The following CCDC88B variants were observed in gnomAD, a reference collection of about 807,000 sequenced individuals.
CCDC88B encodes coiled-coil and HOOK domain protein 88B, also known as coiled-coil domain-containing protein 88B.
In CCDC88B, 138 loss-of-function variants were observed where a neutral mutation model predicts 183.7. The observed-to-expected ratio is 0.75, with a 90% confidence interval of 0.65 to 0.87. The LOEUF (loss-of-function observed/expected upper bound fraction) is 0.87, where lower values mean the gene tolerates loss of function less well. Ranked by LOEUF, CCDC88B falls within the 40% of genes least tolerant of loss-of-function variation. The probability of loss-of-function intolerance (pLI) is 0.00; values close to 1 mark genes in which losing one functional copy is unlikely to be tolerated. For missense variants in CCDC88B, 1,822 were observed against 1,965.6 expected (o/e 0.93, Z 1.38); for synonymous variants, 835 against 867.5 (o/e 0.96, Z 0.66).
chr11:64,344,290 GGAGA>G lies in CCDC88B; in HGVS notation c.1750_1753del (p.Glu584HisfsTer57). 6.2e-7 allele frequency: 1 copy of G among 1,613,722 alleles called. No homozygotes were observed. On this transcript the variant is annotated frameshift_variant, in exon 14 of 27. Coordinates refer to ENST00000356786, the MANE Select transcript of CCDC88B (RefSeq NM_032251.6). LOFTEE classifies it high-confidence loss of function. The surrounding 1 kb of genome is among the most constrained non-coding windows in gnomAD (Gnocchi z 4.5). ...CCCCGCAAGAGTCAGGCTCTCCTGT[GGAGA>G]CACAGGAGTCCCCGGAGAAGGCTGG...
rs377616316 is a variant in CCDC88B, at chr11:64,345,870, G to T, written c.2616+713G>T. On this transcript the variant is annotated intron_variant, in intron 14 of 26. Coordinates refer to ENST00000356786, the MANE Select transcript of CCDC88B (RefSeq NM_032251.6). ...AAAAATACAAAAATCAGCCAGGCGT[G>T]GTGGCAGGCACCTGTAATCTGTTAC... 3.0e-3 allele frequency among the ~76,000 whole-genome samples: 458 copies of T among 152,290 alleles called. 2 individuals are homozygous for T. Among genetic ancestry groups the T allele is most frequent in the African/African-American group, 0.011 (447 of 41,548 alleles).
Position 64,349,189 on chromosome 11 carries a change from TG to T in CCDC88B, c.2617-138del, listed in dbSNP as rs2036229288. The T allele has an allele frequency of 2.1e-5, 20 of 968,310 alleles. No individual in the cohort carries two copies. In the South Asian group the frequency reaches 3.0e-4, roughly 14 times the overall value. 60.0% of individuals were successfully genotyped at this position (968,310 alleles called of 1,614,324 possible). ...CCAGGCTTTGCTCCCATTTTATAGATGGGGAAGTAGAGCCCAAAGGCTTAAT... is the reference window on the plus strand; with the variant it reads ...CCAGGCTTTGCTCCCATTTTATAGATGGGAAGTAGAGCCCAAAGGCTTAAT... On this transcript the variant is annotated intron_variant, in intron 14 of 26. Coordinates refer to ENST00000356786, the MANE Select transcript of CCDC88B (RefSeq NM_032251.6).
In CCDC88B at chr11:64,357,319, G is replaced by C. The variant is rs1372439282; in HGVS notation, c.*225G>C. 1.4e-6 allele frequency: 1 copy of C among 722,958 alleles called. No homozygotes were observed. Among genetic ancestry groups the C allele is most frequent in the East Asian group, 2.7e-5 (1 of 37,434 alleles). 44.8% of individuals were successfully genotyped at this position (722,958 alleles called of 1,614,324 possible). On this transcript the variant is annotated 3_prime_UTR_variant, in exon 27 of 27. Coordinates refer to ENST00000356786, the MANE Select transcript of CCDC88B (RefSeq NM_032251.6). ...GGCTGGCCCCCACGAGCAGCTCCAG[G>C]CTGGAGTTCTGGTTCTTCCAGGTGG...
Position 64,349,681 on chromosome 11 carries a change from C to T in CCDC88B, c.2862+13C>T, listed in dbSNP as rs188594342. On this transcript the variant is annotated intron_variant, in intron 16 of 26. Transcript: ENST00000356786. ...GGAGCTGTTCCAGGTGATGCCTGCC[C>T]GCCTGGGAGCTGGGGGCCATGCCAC... is the stretch of plus-strand genomic sequence containing the variant. 3.0e-4 allele frequency: 474 copies of T among 1,577,114 alleles called. 1 individual carries two copies. In the African/African-American group the frequency reaches 4.9e-3, roughly 16 times the overall value.
At position 64,351,498 on chromosome 11, in the gene CCDC88B, A is replaced by C. The variant is rs1484377462; in HGVS notation, c.2981A>C (p.Lys994Thr). ...ERSNAMLVAE[K>T]AALQGQLQHL... ...CAGAATGCGATGCTGGTGGCAGAGA[A>C]GGCAGCTTTGCAGGGGCAGCTGCAG... Residue 994 changes from lysine to threonine, a missense_variant, in exon 18 of 27, where the codon AAG (lysine) becomes ACG (threonine). Lys to Thr is a moderately conservative substitution (Grantham distance 78). Transcript: ENST00000356786. 8.8e-6 allele frequency: 14 copies of C among 1,588,276 alleles called. No individual in the cohort carries two copies. In the East Asian group the frequency reaches 3.2e-4, roughly 36 times the overall value.
Position 64,353,259 on chromosome 11 carries a change from T to G in CCDC88B, c.3687+19T>G, listed in dbSNP as rs374586586. 4 of 1,556,520 alleles carry G rather than the reference T, an allele frequency of 2.6e-6. No individual in the cohort carries two copies. The highest frequency in any genetic ancestry group is 1.7e-6 in the Non-Finnish European group (2 of 1,150,206). On this transcript the variant is annotated intron_variant, in intron 21 of 26. Coordinates refer to ENST00000356786, the MANE Select transcript of CCDC88B (RefSeq NM_032251.6). ...GTGTGAGGTGTGGCTGGAGGGCCGGTGGGGGTATGGGCGTGTGGTGGGGCA... is the reference window on the plus strand; with the variant it reads ...GTGTGAGGTGTGGCTGGAGGGCCGGGGGGGGTATGGGCGTGTGGTGGGGCA...
chr11:64,352,075 G>A (rs1224296941), intron 18 of CCDC88B, 55 bp from the exon 19 acceptor site: 23 of 1,510,248 alleles, frequency 1.5e-5, no homozygotes, highest in Admixed American at 2.2e-5. Context: ...CCTCTCACTC[G>A]ATTTCCAGCC....
chr11:64,353,121 C>T lies in CCDC88B; in HGVS notation c.3568C>T (p.Arg1190Trp), dbSNP rs746042245. 1.5e-5 allele frequency: 24 copies of T among 1,605,870 alleles called. No homozygotes were observed. The highest frequency in any genetic ancestry group is 1.1e-4 in the East Asian group (5 of 44,612). ...GCTGCAGGGTGAACGCGGGGAGCTA[C>T]GGGGCCGGCTGGCGCGGCTGGAGCT... ...GELQGERGELRGRLARLELER... is the reference protein window; with the variant it reads ...GELQGERGELWGRLARLELER... The change falls in exon 21 of 27, where the codon CGG becomes TGG. Residue 1190 changes from arginine to tryptophan, a missense_variant. Transcript: ENST00000356786.
At chr11:64,355,808 TA>T in intron 26 of CCDC88B, 180 bp downstream of exon 26, 1 of 539,872 alleles carries the variant, frequency 1.9e-6, no homozygotes, top group East Asian at 3.2e-5. Flanking sequence ...ACAATTTGCC[TA>T]AAAATAATTA....
chr11:64,340,464 T>C (rs1591270320), intron 1 of CCDC88B, 138 bp downstream of exon 1: 1 of 1,169,254 alleles, frequency 8.6e-7, no homozygotes, highest in Non-Finnish European at 1.1e-6. Flanking sequence ...GATGGAGATA[T>C]GGTGTGGGGG....
In CCDC88B at chr11:64,342,146, G is replaced by GAT; in HGVS notation, c.821+7_821+8insAT. ...GGCGTCTGCGGCAGGAGCTGTGAGTGTGCGCAGCCTGGGAAGGGGACTGAG... is the reference window on the plus strand; with the variant it reads ...GGCGTCTGCGGCAGGAGCTGTGAGTGATTGCGCAGCCTGGGAAGGGGACTGAG... On this transcript the variant is annotated splice_region_variant and intron_variant, in intron 8 of 26. Transcript: ENST00000356786. 6.2e-7 allele frequency: 1 copy of GAT among 1,607,006 alleles called. No homozygotes were observed.
intron 14 of CCDC88B, among the ~76,000 whole-genome samples, chr11:64,348,336 GT>G (rs1316007948): frequency 6.7e-6 from 1 of 150,098 alleles, no homozygotes. Flanking sequence ...GAACCAGGGG[GT>G]CTCAGGTTGT....
At chr11:64,346,982 G>A (rs1411192335) in intron 14 of CCDC88B, among the ~76,000 whole-genome samples, 3 of 151,246 alleles carry the variant, frequency 2.0e-5, no homozygotes, top group African/African-American at 4.9e-5. Flanking sequence ...TTTTAGTAGA[G>A]ACAGGGTTTC....
Position 64,341,708 on chromosome 11 carries a change from C to A in CCDC88B, c.641C>A (p.Ser214Ter). The change falls in exon 7 of 27, where the codon TCG (serine) becomes TAG (stop). Residue 214 changes from serine to a stop codon, truncating the protein, a stop_gained. Coordinates refer to ENST00000356786, the MANE Select transcript of CCDC88B (RefSeq NM_032251.6). LOFTEE classifies it high-confidence loss of function. ...TCCCGGAGCCTGATGGGGACACTGT[C>A]GAAGCTGGCACGGGAGCGTGACCTG... ...MLSRSLMGTL[S>*]KLARERDLGA... The A allele has an allele frequency of 6.3e-7, 1 of 1,595,286 alleles. No individual in the cohort carries two copies. Among genetic ancestry groups the A allele is most frequent in the Admixed American group, 1.8e-5 (1 of 55,802 alleles).
intron 24 of CCDC88B, 57 bp from the exon 25 acceptor site, chr11:64,355,137 A>G: frequency 8.6e-7 from 1 of 1,156,282 alleles, no homozygotes; most frequent in Non-Finnish European, 1.1e-6. Context: ...TCCTCCCTAC[A>G]GGAGCCTCAG....
chr11:64,353,277 G>T lies in CCDC88B; in HGVS notation c.3687+37G>T, dbSNP rs368187489. 61 of 1,574,834 alleles carry T rather than the reference G, an allele frequency of 3.9e-5. No homozygotes were observed. In the African/African-American group the frequency reaches 6.6e-4, roughly 17 times the overall value. ...GGGCCGGTGGGGGTATGGGCGTGTGGTGGGGCAGAAAGCCTAGACCCAGGT... is the reference window on the plus strand; with the variant it reads ...GGGCCGGTGGGGGTATGGGCGTGTGTTGGGGCAGAAAGCCTAGACCCAGGT... On this transcript the variant is annotated intron_variant, in intron 21 of 26. Coordinates refer to ENST00000356786, the MANE Select transcript of CCDC88B (RefSeq NM_032251.6).
At chr11:64,347,728 T>A (rs1221594150) in intron 14 of CCDC88B, among the ~76,000 whole-genome samples, 1 of 152,064 alleles carries the variant, frequency 6.6e-6, no homozygotes, top group Non-Finnish European at 1.5e-5. Context: ...GAGTCTCAGT[T>A]TTCTCACTTG....
In CCDC88B at chr11:64,342,570, G is replaced by A; in HGVS notation, c.952G>A (p.Glu318Lys). 1.3e-6 allele frequency: 2 copies of A among 1,531,636 alleles called. No homozygotes were observed. Among genetic ancestry groups the A allele is most frequent in the Non-Finnish European group, 1.7e-6 (2 of 1,145,402 alleles). 94.9% of individuals were successfully genotyped at this position (1,531,636 alleles called of 1,614,324 possible). Residue 318 changes from glutamate to lysine, a missense_variant, in exon 10 of 27, where the codon GAG becomes AAG. Physicochemically the swap from Glu to Lys is moderately conservative, Grantham distance 56. Coordinates refer to ENST00000356786, the MANE Select transcript of CCDC88B (RefSeq NM_032251.6). ...QAKRAELYRE[E>K]AEALRERAGR... ...CAAGCGGGCCGAGCTGTACCGCGAGGAGGCAGAGGCGCTGCGGGAGCGGGC... is the reference window on the plus strand; with the variant it reads ...CAAGCGGGCCGAGCTGTACCGCGAGAAGGCAGAGGCGCTGCGGGAGCGGGC...
chr11:64,354,027 A>T lies in CCDC88B; in HGVS notation c.3956A>T (p.Lys1319Met). 1.3e-6 allele frequency: 2 copies of T among 1,482,780 alleles called. No individual in the cohort carries two copies. The highest frequency in any genetic ancestry group is 1.5e-5 in the South Asian group (1 of 68,696). 91.9% of individuals were successfully genotyped at this position (1,482,780 alleles called of 1,614,324 possible). A position where few individuals can be genotyped will look rare whatever the true frequency, so the allele number is the denominator to read the frequency against. The change falls in exon 24 of 27, where the codon AAG (lysine) becomes ATG (methionine). Residue 1319 changes from lysine (K) to methionine (M), a missense_variant. Coordinates refer to ENST00000356786, the MANE Select transcript of CCDC88B (RefSeq NM_032251.6). ...RTKKGSWLAD[K>M]VKRLMRPRRE... ...AGGAAGGGCAGCTGGCTGGCAGACA[A>T]GGTGAAGAGGCTGATGCGGCCCCGG...
Sources: gnomAD v4.1 joint callset for allele counts (sites outside exome capture counted in the v4.1 genomes callset) on GRCh38, gnomAD v4.1.1 for gene constraint, Gnocchi (gnomAD v3.1) non-coding constraint, MANE v1.5 for transcripts, NCBI Gene and HGNC (gene_info 2026-07-23, HGNC 2026-07-21) for gene names.